DTX4: variants seen among roughly 807,000 people sequenced by gnomAD.
DTX4 encodes the protein deltex E3 ubiquitin ligase 4.
In DTX4, 28 loss-of-function variants were observed where a neutral mutation model predicts 57.6. That is an observed-to-expected ratio of 0.49 (90% CI 0.36 to 0.67). The LOEUF (loss-of-function observed/expected upper bound fraction) is 0.67. Ranked by LOEUF, DTX4 falls within the 30% of genes least tolerant of loss-of-function variation. DTX4 has a pLI of 0.00. For missense variants in DTX4, 715 were observed against 836.8 expected (o/e 0.85, Z 1.80); for synonymous variants, 316 against 331.0 (o/e 0.95, Z 0.49).
rs746415060 is a variant in DTX4 at position 59,172,671 on chromosome 11, G to A, written c.76G>A (p.Val26Met). The A allele has an allele frequency of 6.9e-6, 11 of 1,600,158 alleles. No individual in the cohort carries two copies. The highest frequency in any genetic ancestry group is 9.3e-6 in the Non-Finnish European group (11 of 1,176,672). The change falls in exon 1 of 9, where the codon GTG becomes ATG. Residue 26 changes from valine (V) to methionine (M), a missense_variant. Physicochemically the swap from Val to Met is conservative, Grantham distance 21. Transcript: ENST00000227451. ...CCGCTGGCGTCCCTACAGCCCAGCG[G>A]TGAGCCACCACATCGAGGCGGTGGT... ...HGRWRPYSPA[V>M]SHHIEAVVRA...
At chr11:59,195,706 G>T (rs1565220603) in intron 7 of DTX4, among the ~76,000 whole-genome samples, 2 of 152,056 alleles carry the variant, frequency 1.3e-5, no homozygotes, top group Non-Finnish European at 2.9e-5. Context: ...TATAGAGAGA[G>T]CTTCCTCGTT....
intron 8 of DTX4, among the ~76,000 whole-genome samples, chr11:59,201,489 T>C (rs539555627): frequency 6.6e-6 from 1 of 152,278 alleles, no homozygotes; most frequent in Non-Finnish European, 1.5e-5. Context: ...CCCTGGATGC[T>C]TGTTACTTCC....
At chr11:59,202,764 A>T (rs1862755146) in intron 8 of DTX4, among the ~76,000 whole-genome samples, 1 of 152,170 alleles carries the variant, frequency 6.6e-6, no homozygotes. Context: ...CTTGAGAGGG[A>T]TGATGAGAGT....
intron 1 of DTX4, among the ~76,000 whole-genome samples, chr11:59,179,625 T>G (rs1862437586): frequency 6.6e-6 from 1 of 152,184 alleles, no homozygotes; most frequent in South Asian, 2.1e-4. Flanking sequence ...TCAATAAAAC[T>G]CCCCACCTTG....
At position 59,195,292 on chromosome 11, in the gene DTX4, C is replaced by T; in HGVS notation, c.1459C>T (p.Leu487Phe). Residue 487 changes from leucine (L) to phenylalanine (F), a missense_variant, in exon 7 of 9, where the codon CTC (leucine) becomes TTC (phenylalanine). Coordinates refer to ENST00000227451, the MANE Select transcript of DTX4 (RefSeq NM_015177.2). ...ACCTCCAGGGAAGATGGAGTACCACCTCATCCCCCACTCCTTGCCTGGCCA... is the reference window on the plus strand; with the variant it reads ...ACCTCCAGGGAAGATGGAGTACCACTTCATCCCCCACTCCTTGCCTGGCCA... ...TQPPGKMEYH[L>F]IPHSLPGHPD... 1 of 1,613,898 alleles carries T rather than the reference C, an allele frequency of 6.2e-7. No individual in the cohort carries two copies. The highest frequency in any genetic ancestry group is 8.5e-7 in the Non-Finnish European group (1 of 1,179,804).
intron 1 of DTX4, among the ~76,000 whole-genome samples, chr11:59,173,949 C>T (rs1009842023): frequency 2.4e-4 from 36 of 152,204 alleles, no homozygotes; most frequent in African/African-American, 8.2e-4. Context: ...AACCGAGGAG[C>T]CTGGAGAGGC....
At chr11:59,178,248 G>C (rs1374099791) in intron 1 of DTX4, among the ~76,000 whole-genome samples, 1 of 152,084 alleles carries the variant, frequency 6.6e-6, no homozygotes, top group East Asian at 1.9e-4. Flanking sequence ...GTTAGGCTAT[G>C]AGGGGGCCAT....
chr11:59,198,435 C>T (rs138897817), intron 7 of DTX4, among the ~76,000 whole-genome samples: 2 of 152,304 alleles, frequency 1.3e-5, no homozygotes, highest in East Asian at 1.9e-4. Context: ...TCTGCATCTC[C>T]GAGAAGGCGT....
chr11:59,175,802 AG>A (rs1225276515), intron 1 of DTX4, among the ~76,000 whole-genome samples: 3 of 152,120 alleles, frequency 2.0e-5, no homozygotes, highest in Non-Finnish European at 4.4e-5. Flanking sequence ...CGGAAGATCC[AG>A]GCTGAGAGTG....
At chr11:59,182,808 G>A (rs770335373) in intron 2 of DTX4, among the ~76,000 whole-genome samples, 3 of 152,176 alleles carry the variant, frequency 2.0e-5, no homozygotes, top group Non-Finnish European at 4.4e-5. Flanking sequence ...GTGGCCAGGC[G>A]TGGTGGTTCA....
At chr11:59,175,136 C>A (rs1862379712) in intron 1 of DTX4, among the ~76,000 whole-genome samples, 1 of 152,214 alleles carries the variant, frequency 6.6e-6, no homozygotes, top group African/African-American at 2.4e-5. Flanking sequence ...AGGGTAGGAA[C>A]TTTAAACCAG....
intron 8 of DTX4, among the ~76,000 whole-genome samples, chr11:59,200,397 T>C (rs944876816): frequency 1.3e-5 from 2 of 152,184 alleles, no homozygotes; most frequent in East Asian, 1.9e-4. Flanking sequence ...AATTCATCTA[T>C]TTTAAGATCC....
chr11:59,187,153 C>G (rs189557244), intron 2 of DTX4, among the ~76,000 whole-genome samples: 1 of 152,182 alleles, frequency 6.6e-6, no homozygotes. Context: ...TTATTCATTA[C>G]GCTCTCTGAG....
At chr11:59,173,732 T>G (rs925723624) in intron 1 of DTX4, among the ~76,000 whole-genome samples, 1 of 152,140 alleles carries the variant, frequency 6.6e-6, no homozygotes, top group African/African-American at 2.4e-5. Context: ...CTGACCTGCC[T>G]TTCCAGGTCA....
intron 6 of DTX4, chr11:59,194,925 G>C: frequency 2.3e-6 from 1 of 442,330 alleles, no homozygotes; most frequent in Non-Finnish European, 4.1e-6. Flanking sequence ...CCCTGTGTAG[G>C]CTCCTGCCCT....
At chr11:59,203,810 G>A (rs1862768919) in intron 8 of DTX4, among the ~76,000 whole-genome samples, 2 of 152,168 alleles carry the variant, frequency 1.3e-5, no homozygotes, top group Admixed American at 1.3e-4. Flanking sequence ...TCTGATTACT[G>A]TAACGATTAT....
chr11:59,199,524 G>A (rs962335006), intron 7 of DTX4, among the ~76,000 whole-genome samples, 160 bp from the exon 8 acceptor site: 3 of 152,188 alleles, frequency 2.0e-5, no homozygotes, highest in Non-Finnish European at 1.5e-5. Context: ...ACAGAAACAC[G>A]TGCTAAATGA....
Position 59,206,508 on chromosome 11 carries a change from C to CATATATATATATATAT in DTX4, c.*1599_*1600insATATATATATATATAT, listed in dbSNP as rs1412393714. 5 of 75,708 alleles carry CATATATATATATATAT rather than the reference C, an allele frequency of 6.6e-5. No homozygotes were observed. The highest frequency in any genetic ancestry group is 8.5e-4 in the South Asian group (2 of 2,352). The allele number at this position is 75,708 out of a possible 1,614,324, so 4.7% of individuals were successfully genotyped here. A position where few individuals can be genotyped will look rare whatever the true frequency, so the allele number is the denominator to read the frequency against. On this transcript the variant is annotated 3_prime_UTR_variant, in exon 9 of 9. Coordinates refer to ENST00000227451, the MANE Select transcript of DTX4 (RefSeq NM_015177.2). ...TATACCTCATGTTTTGGGGGTTTGA[C>CATATATATATATATAT]GTATATATATATATATATATATGCA...
chr11:59,181,903 C>T lies in DTX4; in HGVS notation c.376C>T (p.Leu126Phe), dbSNP rs1862467287. 6.2e-7 allele frequency: 1 copy of T among 1,613,880 alleles called. No homozygotes were observed. Among genetic ancestry groups the T allele is most frequent in the African/African-American group, 1.3e-5 (1 of 74,912 alleles). Residue 126 changes from leucine to phenylalanine, a missense_variant, in exon 2 of 9, where the codon CTC becomes TTC. Coordinates refer to ENST00000227451, the MANE Select transcript of DTX4 (RefSeq NM_015177.2). ...AYEKQHPWID[L>F]TSIGFSYVID... ...TGAGAAGCAGCACCCCTGGATCGAC[C>T]TCACTTCCATTGGCTTTAGCTACGT... is the stretch of plus-strand genomic sequence containing the variant.
Sources: gnomAD v4.1 joint callset for allele counts (sites outside exome capture counted in the v4.1 genomes callset) on GRCh38, gnomAD v4.1.1 for gene constraint, MANE v1.5 for transcripts, NCBI Gene and HGNC (gene_info 2026-07-23, HGNC 2026-07-21) for gene names.